The following NAALADL2 variants were observed in gnomAD, a reference collection of about 807,000 sequenced individuals.
The protein encoded by NAALADL2 is N-acetylated alpha-linked acidic dipeptidase like 2, also known as inactive N-acetylated-alpha-linked acidic dipeptidase-like protein 2.
A neutral mutation model predicts 87.2 loss-of-function variants in NAALADL2; 76 were observed. That is an observed-to-expected ratio of 0.87 (90% confidence interval 0.72 to 1.05). The LOEUF (loss-of-function observed/expected upper bound fraction) is 1.05, where lower values mean the gene tolerates loss of function less well. Ranked by LOEUF, NAALADL2 falls within the 50% of genes least tolerant of loss-of-function variation. The pLI, the probability that NAALADL2 is intolerant of heterozygous loss-of-function variation, is 0.00. For synonymous variants in NAALADL2, 354 were observed against 331.0 expected (o/e 1.07, Z -0.75); for missense variants, 1,089 against 945.8 (o/e 1.15, Z -1.99).
intron 11 of NAALADL2, among the ~76,000 whole-genome samples, chr3:175,721,332 C>T (rs1742212355): frequency 6.6e-6 from 1 of 152,052 alleles, no homozygotes; most frequent in African/African-American, 2.4e-5. Flanking sequence ...AAAGAAAGCT[C>T]ATTGTCTAGA....
At chr3:175,508,525 A>G (rs1239419201) in intron 9 of NAALADL2, among the ~76,000 whole-genome samples, 1 of 152,160 alleles carries the variant, frequency 6.6e-6, no homozygotes, top group African/African-American at 2.4e-5. Context: ...ATTAACTTGA[A>G]CTTTATCACC....
intron 1 of NAALADL2, among the ~76,000 whole-genome samples, chr3:174,910,497 A>G (rs1406206093): frequency 1.3e-5 from 2 of 152,086 alleles, no homozygotes; most frequent in Non-Finnish European, 2.9e-5. Flanking sequence ...TAAGCAGTAA[A>G]CATAAGAAAA....
At chr3:175,628,617 G>GTGTATATA (rs775957344) in intron 11 of NAALADL2, among the ~76,000 whole-genome samples, 3 of 139,202 alleles carry the variant, frequency 2.2e-5, no homozygotes, top group African/African-American at 7.8e-5. Flanking sequence ...CTCTCTCTAT[G>GTGTATATA]TATATATATA....
intron 2 of NAALADL2, among the ~76,000 whole-genome samples, chr3:175,224,977 A>G (rs566355882): frequency 1.3e-5 from 2 of 152,304 alleles, no homozygotes; most frequent in South Asian, 4.1e-4. Context: ...GTAACCTGAC[A>G]TGTCAAGACA....
intron 1 of NAALADL2, among the ~76,000 whole-genome samples, chr3:175,064,324 GTGA>G (rs981542933): frequency 6.6e-6 from 1 of 151,324 alleles, no homozygotes; most frequent in Non-Finnish European, 1.5e-5. Flanking sequence ...AAGAAATCAA[GTGA>G]TGATGCTCAC....
chr3:175,649,459 C>T (rs1238123077), intron 11 of NAALADL2, among the ~76,000 whole-genome samples: 1 of 151,066 alleles, frequency 6.6e-6, no homozygotes, highest in Non-Finnish European at 1.5e-5. Context: ...CTTGGGCTGC[C>T]ATAACAAAAT....
chr3:175,014,509 C>T (rs190477736), intron 1 of NAALADL2, among the ~76,000 whole-genome samples: 57 of 152,104 alleles, frequency 3.7e-4, no homozygotes, highest in Admixed American at 5.9e-4. Context: ...GTACATAGAA[C>T]AAAAGTTTGT....
At chr3:174,749,546 T>C (rs368269123) in intron 3 of NAALADL2, among the ~76,000 whole-genome samples, 234 of 152,030 alleles carry the variant, frequency 1.5e-3, no homozygotes, top group South Asian at 3.1e-3. Flanking sequence ...CTATGACATA[T>C]CCATTTGAAG....
intron 2 of NAALADL2, among the ~76,000 whole-genome samples, chr3:174,700,490 A>T (rs560965919): frequency 2.0e-5 from 3 of 152,310 alleles, no homozygotes; most frequent in Admixed American, 2.0e-4. Context: ...TGGAACAGCC[A>T]TGAGAAAACA....
intron 3 of NAALADL2, among the ~76,000 whole-genome samples, chr3:174,794,170 T>C (rs12632868): frequency 0.28 from 41,961 of 151,936 alleles, 6,108 homozygotes; most frequent in East Asian, 0.44. Context: ...TTTATGAGAC[T>C]TTTAAATATA....
At chr3:174,643,122 A>G (rs1413961924) in intron 2 of NAALADL2, among the ~76,000 whole-genome samples, 2 of 152,114 alleles carry the variant, frequency 1.3e-5, no homozygotes, top group Non-Finnish European at 2.9e-5. Flanking sequence ...TTGGCTGATG[A>G]CACTATTCAC....
At chr3:175,134,940 A>G (rs2035102) in intron 2 of NAALADL2, among the ~76,000 whole-genome samples, 59,578 of 152,010 alleles carry the variant, frequency 0.39, 11,788 homozygotes, top group East Asian at 0.44. Flanking sequence ...AAATTATAAG[A>G]TATCAAATAT....
chr3:175,196,855 T>A (rs182876339), intron 2 of NAALADL2, among the ~76,000 whole-genome samples: 56 of 152,056 alleles, frequency 3.7e-4, no homozygotes, highest in African/African-American at 1.3e-3. Flanking sequence ...CTAGGGTACA[T>A]ATCAAGTAAT....
chr3:175,007,860 G>C (rs1749248697), intron 1 of NAALADL2, among the ~76,000 whole-genome samples: 2 of 152,088 alleles, frequency 1.3e-5, no homozygotes, highest in South Asian at 2.1e-4. Flanking sequence ...CGTCACTACT[G>C]TTATGCTTTG....
chr3:175,130,789 C>T (rs1727713014), intron 2 of NAALADL2, among the ~76,000 whole-genome samples: 1 of 152,152 alleles, frequency 6.6e-6, no homozygotes, highest in Non-Finnish European at 1.5e-5. Flanking sequence ...TCTAGTGGCA[C>T]ACTATTTTGA....
chr3:175,141,743 A>G (rs973612900), intron 2 of NAALADL2, among the ~76,000 whole-genome samples: 2 of 152,082 alleles, frequency 1.3e-5, no homozygotes, highest in African/African-American at 2.4e-5. Flanking sequence ...CTGGATTCTC[A>G]GAGCCTTACC....
intron 2 of NAALADL2, among the ~76,000 whole-genome samples, chr3:174,727,242 A>G (rs566383706): frequency 6.6e-5 from 7 of 106,450 alleles, no homozygotes; most frequent in African/African-American, 2.4e-4. Context: ...GATCACCTGC[A>G]TATGAAGTAA....
chr3:174,774,362 A>G (rs1714950861), intron 3 of NAALADL2, among the ~76,000 whole-genome samples: 1 of 152,160 alleles, frequency 6.6e-6, no homozygotes. Context: ...TAACTGCCCA[A>G]ATAGACATCT....
At chr3:174,837,879 C>T (rs896506244) in intron 3 of NAALADL2, among the ~76,000 whole-genome samples, 1 of 151,840 alleles carries the variant, frequency 6.6e-6, no homozygotes, top group Admixed American at 6.6e-5. Context: ...CAGCAGAATT[C>T]TACCAGACAG....
Sources: gnomAD v4.1 joint callset for allele counts (sites outside exome capture counted in the v4.1 genomes callset) on GRCh38, gnomAD v4.1.1 for gene constraint, MANE v1.5 for transcripts, NCBI Gene and HGNC (gene_info 2026-07-23, HGNC 2026-07-21) for gene names.